The following ABCC6 variants were observed in gnomAD, a reference collection of about 807,000 sequenced individuals.
ABCC6 encodes the protein ATP binding cassette subfamily C member 6.
Under a neutral mutation model 169.5 loss-of-function variants are expected in ABCC6, and 126 were observed. The ratio of observed to expected loss-of-function variants is 0.74; its 90% confidence interval spans 0.64 to 0.86. The LOEUF is 0.86. Ranked by LOEUF, ABCC6 falls within the 40% of genes least tolerant of loss-of-function variation. The pLI is 0.00. For missense variants in ABCC6, 1,733 were observed against 1,927.2 expected (o/e 0.90, Z 1.89); for synonymous variants, 752 against 814.7 (o/e 0.92, Z 1.31).
chr16:16,182,517 C>T lies in ABCC6; in HGVS notation c.2142G>A (p.Gly714=). 1 of 1,614,170 alleles carries T rather than the reference C, an allele frequency of 6.2e-7. No homozygotes were observed. The highest frequency in any genetic ancestry group is 8.5e-7 in the Non-Finnish European group (1 of 1,180,028). Residue 714 remains glycine (G), a synonymous_variant, in exon 17 of 31, where the codon GGG becomes GGA. Coordinates refer to ENST00000205557, the MANE Select transcript of ABCC6 (RefSeq NM_001171.6). ...NTSVVENVCF[G]QELDPPWLER... ...CCAGCCAGGGTGGGTCCAGCTCCTG[C>T]CCGAAGCACACATTCTCTACCACAG...
chr16:16,170,362 A>G (rs981421287), intron 21 of ABCC6, among the ~76,000 whole-genome samples: 7 of 152,058 alleles, frequency 4.6e-5, no homozygotes, highest in African/African-American at 1.7e-4. Context: ...GGCCTTCCAA[A>G]GTGCTTGGAT....
chr16:16,161,587 G>A, intron 24 of ABCC6, 23 bp from the exon 25 acceptor site: 1 of 1,613,716 alleles, frequency 6.2e-7, no homozygotes, highest in Non-Finnish European at 8.5e-7. Flanking sequence ...GCGACAGCAG[G>A]GTGAGTGGTT....
At chr16:16,183,863 C>G (rs1317270744) in intron 15 of ABCC6, among the ~76,000 whole-genome samples, 2 of 152,072 alleles carry the variant, frequency 1.3e-5, no homozygotes, top group South Asian at 2.1e-4. Context: ...CAGGCACTCT[C>G]CTGCCCCAGG....
intron 21 of ABCC6, among the ~76,000 whole-genome samples, chr16:16,172,903 A>G (rs2047160586): frequency 6.6e-6 from 1 of 152,012 alleles, no homozygotes; most frequent in Admixed American, 6.6e-5. Context: ...TTAGCTGGGC[A>G]TGGTGGCACA....
At chr16:16,150,443 G>T in intron 30 of ABCC6, 135 bp downstream of exon 30, 1 of 1,498,532 alleles carries the variant, frequency 6.7e-7, no homozygotes. Context: ...TGTGTTCCCG[G>T]GCATTCCTCC....
At chr16:16,165,989 A>G in intron 22 of ABCC6, 56 bp from the exon 23 acceptor site, 1 of 1,568,266 alleles carries the variant, frequency 6.4e-7, no homozygotes, top group Non-Finnish European at 8.7e-7. Context: ...GGAGCGGCCC[A>G]CGGGGCCCTG....
rs189765764 is a variant in ABCC6, at chr16:16,194,528, G to A, written c.1339-1606C>T. On this transcript the variant is annotated intron_variant, in intron 10 of 30. Transcript: ENST00000205557. The stretch of plus-strand genomic sequence containing the variant: ...TTGGTTTCTATATCTGGAAAATGTG[G>A]AAGTGGGGGGTAGAATAAATGATTT... 3.6e-4 allele frequency among the ~76,000 whole-genome samples: 55 copies of A among 152,292 alleles called. No homozygotes were observed. The East Asian group carries it at 0.01, about 29-fold the overall frequency.
chr16:16,169,034 C>T (rs1188962546), intron 22 of ABCC6, among the ~76,000 whole-genome samples: 3 of 152,016 alleles, frequency 2.0e-5, no homozygotes, highest in East Asian at 1.9e-4. Context: ...TGAGCCGAGA[C>T]GGCAGCACTG....
intron 22 of ABCC6, 101 bp downstream of exon 22, chr16:16,169,545 C>T (rs1596622690): frequency 2.2e-6 from 3 of 1,395,056 alleles, no homozygotes; most frequent in East Asian, 4.9e-5. Flanking sequence ...CACACTGTTC[C>T]AGGGGGACAG....
rs538195383 is a variant in ABCC6, at chr16:16,178,325, T to C, written c.2415+473A>G. ...CTGAAAGACAGAGCGAGACTCCATC[T>C]CAAAAAAAAAAGAAAAAGAAAAAAG... On this transcript the variant is annotated intron_variant, in intron 18 of 30. Transcript: ENST00000205557. 2.0e-5 allele frequency among the ~76,000 whole-genome samples: 3 copies of C among 147,440 alleles called. 1 individual carries two copies. Among genetic ancestry groups the C allele is most frequent in the African/African-American group, 7.5e-5 (3 of 39,956 alleles).
At chr16:16,175,766 C>G (rs571233876) in intron 20 of ABCC6, 145 bp downstream of exon 20, 2 of 835,280 alleles carry the variant, frequency 2.4e-6, no homozygotes, top group Non-Finnish European at 3.6e-6. Context: ...TATCCCTCAG[C>G]AGGGCACCAT....
intron 27 of ABCC6, among the ~76,000 whole-genome samples, chr16:16,157,154 C>G (rs980904171): frequency 1.3e-5 from 2 of 151,840 alleles, no homozygotes; most frequent in Admixed American, 1.3e-4. Flanking sequence ...AGAGTGAAAA[C>G]GCAAATAATA....
intron 5 of ABCC6, among the ~76,000 whole-genome samples, chr16:16,213,525 G>T (rs1178827146): frequency 1.3e-5 from 2 of 149,932 alleles, no homozygotes; most frequent in African/African-American, 4.9e-5. Flanking sequence ...CTTCTATGGA[G>T]CACTTACCCC....
At chr16:16,150,992 T>C (rs1278274083) in intron 29 of ABCC6, among the ~76,000 whole-genome samples, 1 of 152,236 alleles carries the variant, frequency 6.6e-6, no homozygotes, top group Non-Finnish European at 1.5e-5. Context: ...ATTCAAACCC[T>C]TTGTGCCTCA....
chr16:16,219,373 A>G (rs1349485703), intron 4 of ABCC6, among the ~76,000 whole-genome samples, 181 bp downstream of exon 4: 1 of 152,138 alleles, frequency 6.6e-6, no homozygotes, highest in Non-Finnish European at 1.5e-5. Context: ...TAAGAAATGT[A>G]TGGGATGATG....
At chr16:16,170,178 G>A (rs1314077106) in intron 21 of ABCC6, among the ~76,000 whole-genome samples, 1 of 151,028 alleles carries the variant, frequency 6.6e-6, no homozygotes, top group Admixed American at 6.6e-5. Context: ...ATGGCTCACT[G>A]CAGCCTTGAA....
chr16:16,186,038 C>T (rs1407293598), intron 14 of ABCC6, among the ~76,000 whole-genome samples: 1 of 152,120 alleles, frequency 6.6e-6, no homozygotes, highest in Non-Finnish European at 1.5e-5. Context: ...TCAGGATCAC[C>T]CAGCTAGTCA....
At chr16:16,196,676 C>T (rs1243871484) in intron 10 of ABCC6, among the ~76,000 whole-genome samples, 1 of 152,050 alleles carries the variant, frequency 6.6e-6, no homozygotes, top group Non-Finnish European at 1.5e-5. Flanking sequence ...TAGGCAGTTC[C>T]CGATACAGAG....
Position 16,150,735 on chromosome 16 carries a change from G to T in ABCC6, c.4246C>A (p.Leu1416Ile). ...ATGAGGATCTGGGTCTTCCGGAGAA[G>T]GGCACGTGCCAGACACAGGAGCTGT... is the stretch of plus-strand genomic sequence containing the variant. Reference protein sequence around the residue: ...QKQLLCLARALLRKTQILILD... With the variant: ...QKQLLCLARAILRKTQILILD... The change falls in exon 30 of 31, where the codon CTT (leucine) becomes ATT (isoleucine). Residue 1416 changes from leucine to isoleucine, a missense_variant. Coordinates refer to ENST00000205557, the MANE Select transcript of ABCC6 (RefSeq NM_001171.6). 1 of 1,613,902 alleles carries T rather than the reference G, an allele frequency of 6.2e-7. No homozygotes were observed. The highest frequency in any genetic ancestry group is 1.1e-5 in the South Asian group (1 of 91,062).
Sources: allele counts gnomAD v4.1 joint callset (sites outside exome capture counted in the v4.1 genomes callset), GRCh38; gene constraint gnomAD v4.1.1; transcripts MANE v1.5; gene names NCBI Gene and HGNC (gene_info 2026-07-23, HGNC 2026-07-21).